The following TBL2 variants were observed in gnomAD, a reference collection of about 807,000 sequenced individuals.
TBL2 encodes the protein transducin beta-like protein 2.
Under a neutral mutation model 41.8 loss-of-function variants are expected in TBL2, and 33 were observed. The observed-to-expected ratio is 0.79, with a 90% confidence interval of 0.60 to 1.06. The LOEUF is 1.06. Among genes scored for constraint, TBL2 ranks in the 50% least tolerant of loss-of-function variants. TBL2 has a pLI of 0.00. For missense variants in TBL2, 522 were observed against 603.8 expected, an observed-to-expected ratio of 0.86 and a Z score of 1.42; for synonymous variants, 239 against 241.7, an observed-to-expected ratio of 0.99 and a Z score of 0.10.
At chr7:73,571,384 C>T (rs1554587557) in intron 5 of TBL2, 43 bp from the exon 6 acceptor site, 13 of 1,611,992 alleles carry the variant, frequency 8.1e-6, no homozygotes, top group Non-Finnish European at 1.0e-5. Flanking sequence ...ATTTTCGGAG[C>T]ATGTTGTTCC....
In TBL2 at chr7:73,568,119, A is replaced by T. The variant is rs1792718838; in HGVS notation, c.*2388T>A. Among the ~76,000 whole-genome samples, 1 of 152,134 alleles carries T rather than the reference A, an allele frequency of 6.6e-6. No homozygotes were observed. The highest frequency in any genetic ancestry group is 1.5e-5 in the Non-Finnish European group (1 of 68,024). On this transcript the variant is annotated 3_prime_UTR_variant, in exon 7 of 7. Transcript: ENST00000305632. ...AGGAACATACAAAACCACAATGGAGACTGGGAGTGGGAAGATGCGCGGAGA... is the reference window on the plus strand; with the variant it reads ...AGGAACATACAAAACCACAATGGAGTCTGGGAGTGGGAAGATGCGCGGAGA...
chr7:73,573,688 TA>T, intron 3 of TBL2: 1 of 768,948 alleles, frequency 1.3e-6, no homozygotes, highest in Non-Finnish European at 2.0e-6. Flanking sequence ...GTTTAGAAAC[TA>T]AGGCTCATCT....
In TBL2 at chr7:73,568,459, G is replaced by A. The variant is rs1792733478; in HGVS notation, c.*2048C>T. ...GTAGCAGCCACCCCCCATCCTGCAG[G>A]CAGGACACAAGCCCGCCCTCCAGCT... On this transcript the variant is annotated 3_prime_UTR_variant, in exon 7 of 7. Transcript: ENST00000305632. Among the ~76,000 whole-genome samples the A allele has an allele frequency of 6.6e-6, 1 of 152,102 alleles. No homozygotes were observed. The highest frequency in any genetic ancestry group is 1.5e-5 in the Non-Finnish European group (1 of 68,012).
Position 73,570,609 on chromosome 7 carries a change from G to A in TBL2, c.1242C>T (p.Gly414=). The A allele has an allele frequency of 6.2e-7, 1 of 1,613,428 alleles. No homozygotes were observed. The highest frequency in any genetic ancestry group is 8.5e-7 in the Non-Finnish European group (1 of 1,179,814). ...TCTCGTTGGAGGCCCGCTTCAGGTG[G>A]CCCTGCATCTCCTCCACCATGGCTC... The part of the protein sequence containing the change: ...GHRAMVEEMQ[G]HLKRASNEST... The change falls in exon 7 of 7, where the codon GGC becomes GGT. Residue 414 remains glycine, a synonymous_variant. Coordinates refer to ENST00000305632, the MANE Select transcript of TBL2 (RefSeq NM_012453.4).
chr7:73,572,166 T>C (rs1352929964), intron 5 of TBL2: 1 of 160,050 alleles, frequency 6.2e-6, no homozygotes, highest in Non-Finnish European at 1.4e-5. Context: ...CGCCCAAAGG[T>C]GGCTTGGCAC....
intron 5 of TBL2, 137 bp from the exon 6 acceptor site, chr7:73,571,478 C>A: frequency 2.3e-6 from 3 of 1,288,796 alleles, no homozygotes; most frequent in Non-Finnish European, 3.1e-6. Flanking sequence ...TTATTTTGGC[C>A]GGGCGCGGTG....
rs1792875885 is a variant in TBL2, at chr7:73,570,684, G to C, written c.1167C>G (p.Ala389=). 1 of 1,614,090 alleles carries C rather than the reference G, an allele frequency of 6.2e-7. No individual in the cohort carries two copies. The highest frequency in any genetic ancestry group is 8.5e-7 in the Non-Finnish European group (1 of 1,179,986). Reference sequence around the variant, plus strand: ...GCCGCACCGCCCGGTCCCCACAGGAGGCCAGAAAGCGGCCAGTGATGTCAA... The same window carrying C: ...GCCGCACCGCCCGGTCCCCACAGGACGCCAGAAAGCGGCCAGTGATGTCAA... ...LSFDITGRFL[A]SCGDRAVRLF... is the part of the protein sequence containing the mutation. Residue 389 remains alanine (A), a synonymous_variant, in exon 7 of 7, where the codon GCC becomes GCG. Coordinates refer to ENST00000305632, the MANE Select transcript of TBL2 (RefSeq NM_012453.4).
chr7:73,578,424 G>C lies in TBL2; in HGVS notation c.126C>G (p.Pro42=), dbSNP rs10225949. 1.5e-5 allele frequency: 23 copies of C among 1,526,396 alleles called. No individual in the cohort carries two copies. The Admixed American group carries it at 3.1e-4, about 21-fold the overall frequency. The allele number at this position is 1,526,396 out of a possible 1,614,324, so 94.6% of individuals were successfully genotyped here. Residue 42 remains proline (P), a synonymous_variant, in exon 1 of 7, where the codon CCC becomes CCG. Coordinates refer to ENST00000305632, the MANE Select transcript of TBL2 (RefSeq NM_012453.4). ...ACCCGACCCGGCCCCACTTACAGGC[G>C]GGCCGGCCGCTCCTCTCCTCCCCCG... ...LRAGEERSGR[P]ACQKANGFPP... is the part of the protein sequence containing the mutation.
In TBL2 at chr7:73,576,255, G is replaced by A. The variant is rs573897348; in HGVS notation, c.131-1742C>T. 7.3e-4 allele frequency among the ~76,000 whole-genome samples: 108 copies of A among 147,012 alleles called. 1 individual carries two copies. The highest frequency in any genetic ancestry group is 1.0e-3 in the Non-Finnish European group (68 of 67,046). Reference sequence around the variant, plus strand: ...AGTCTCGCTCTGTTGCCTCAGTCTCGATCTCCTGACCTTGTGACCTGCCCG... The same window carrying A: ...AGTCTCGCTCTGTTGCCTCAGTCTCAATCTCCTGACCTTGTGACCTGCCCG... On this transcript the variant is annotated intron_variant, in intron 1 of 6. Coordinates refer to ENST00000305632, the MANE Select transcript of TBL2 (RefSeq NM_012453.4).
chr7:73,576,009 G>A (rs1793288447), intron 1 of TBL2, among the ~76,000 whole-genome samples: 1 of 151,934 alleles, frequency 6.6e-6, no homozygotes, highest in African/African-American at 2.4e-5. Flanking sequence ...TCCAGCCTAG[G>A]CGACAGAGTG....
At chr7:73,575,455 TA>T (rs1793249898) in intron 1 of TBL2, among the ~76,000 whole-genome samples, 1 of 152,130 alleles carries the variant, frequency 6.6e-6, no homozygotes, top group Admixed American at 6.6e-5. Flanking sequence ...CATGCCCGGC[TA>T]ATTTTTTTTT....
In TBL2 at chr7:73,570,644, G is replaced by C; in HGVS notation, c.1207C>G (p.Pro403Ala). The C allele has an allele frequency of 6.2e-7, 1 of 1,613,842 alleles. No individual in the cohort carries two copies. The highest frequency in any genetic ancestry group is 8.5e-7 in the Non-Finnish European group (1 of 1,179,922). ...DRAVRLFHNT[P>A]GHRAMVEEMQ... ...TCCTCCACCATGGCTCGGTGGCCAG[G>C]AGTGTTGTGAAACAGCCGCACCGCC... is the stretch of plus-strand genomic sequence containing the variant. The change falls in exon 7 of 7, where the codon CCT (proline) becomes GCT (alanine). Residue 403 changes from proline (P) to alanine (A), a missense_variant. Physicochemically the swap from Pro to Ala is conservative, Grantham distance 27 (BLOSUM62 -1). Transcript: ENST00000305632.
chr7:73,568,259 GC>G lies in TBL2; in HGVS notation c.*2247del, dbSNP rs1249213824. On this transcript the variant is annotated 3_prime_UTR_variant, in exon 7 of 7. Transcript: ENST00000305632. The stretch of plus-strand genomic sequence containing the variant: ...TGACAGTGGGATGGTCCAGGAGTCT[GC>G]CCGGTGGTGCTCTCATTCCAGTGGG... Among the ~76,000 whole-genome samples, 1 of 152,202 alleles carries G rather than the reference GC, an allele frequency of 6.6e-6. No individual in the cohort carries two copies. Among genetic ancestry groups the G allele is most frequent in the Non-Finnish European group, 1.5e-5 (1 of 68,036 alleles).
rs782637042 is a variant in TBL2 at position 73,570,731 on chromosome 7, C to A, written c.1120G>T (p.Glu374Ter). The change falls in exon 7 of 7, where the codon GAG (glutamate) becomes TAG (stop). Residue 374 changes from glutamate (E) to a stop codon, truncating the protein, a stop_gained. Transcript: ENST00000305632. LOFTEE classifies it high-confidence loss of function. ...TCAAAGGACAAGTTGGCGATACACTCGCCATGGACCCGCTCAAAGCACTCC... is the reference window on the plus strand; with the variant it reads ...TCAAAGGACAAGTTGGCGATACACTAGCCATGGACCCGCTCAAAGCACTCC... ...KEECFERVHGECIANLSFDIT... is the reference protein window; with the variant it reads ...KEECFERVHG 6.2e-7 allele frequency: 1 copy of A among 1,614,190 alleles called. No homozygotes were observed.
Position 73,574,109 on chromosome 7 carries a change from T to C in TBL2, c.275A>G (p.Asn92Ser), listed in dbSNP as rs1793143037. 1 of 1,614,118 alleles carries C rather than the reference T, an allele frequency of 6.2e-7. No homozygotes were observed. The highest frequency in any genetic ancestry group is 8.5e-7 in the Non-Finnish European group (1 of 1,179,968). The change falls in exon 3 of 7, where the codon AAC (asparagine) becomes AGC (serine). Residue 92 changes from asparagine to serine, a missense_variant. Asn to Ser is a conservative substitution (Grantham distance 46, BLOSUM62 1). Transcript: ENST00000305632. ...LAAALKSHSG[N>S]ISCMDFSSNG... is the part of the protein sequence containing the mutation. The stretch of plus-strand genomic sequence containing the variant: ...GCTGCTAAAGTCCATGCAAGATATG[T>C]TCCCGCTGTGGCTCTAGGGGAAGGG...
chr7:73,574,126 G>C lies in TBL2; in HGVS notation c.262-4C>G. On this transcript the variant is annotated splice_polypyrimidine_tract_variant and splice_region_variant and intron_variant, in intron 2 of 6. Coordinates refer to ENST00000305632, the MANE Select transcript of TBL2 (RefSeq NM_012453.4). ...AAGATATGTTCCCGCTGTGGCTCTA[G>C]GGGAAGGGTGGCAGGAAGTGTCAAT... 1 of 1,613,654 alleles carries C rather than the reference G, an allele frequency of 6.2e-7. No individual in the cohort carries two copies. The highest frequency in any genetic ancestry group is 8.5e-7 in the Non-Finnish European group (1 of 1,179,600).
At chr7:73,573,756 G>A in intron 3 of TBL2, 182 bp downstream of exon 3, 1 of 808,804 alleles carries the variant, frequency 1.2e-6, no homozygotes, top group Non-Finnish European at 1.9e-6. Context: ...TTTCCTTGCT[G>A]TATAGCAGCC....
chr7:73,571,454 A>G, intron 5 of TBL2, 113 bp from the exon 6 acceptor site: 1 of 1,467,398 alleles, frequency 6.8e-7, no homozygotes, highest in Admixed American at 2.1e-5. Context: ...TGGATAATAT[A>G]AACCTTTAAA....
rs761412925 is a variant in TBL2 at position 73,569,773 on chromosome 7, G to A, written c.*734C>T. On this transcript the variant is annotated 3_prime_UTR_variant, in exon 7 of 7. Transcript: ENST00000305632. ...CTCCTTAAACAAGATATCATCTCCC[G>A]AAGAGAGAAGTCCCAACCATATAAA... is the stretch of plus-strand genomic sequence containing the variant. The A allele has an allele frequency of 2.0e-5, 3 of 152,140 alleles. No individual in the cohort carries two copies. The highest frequency in any genetic ancestry group is 2.9e-5 in the Non-Finnish European group (2 of 68,036). The allele number at this position is 152,140 out of a possible 1,614,324, so 9.4% of individuals were successfully genotyped here.
Sources: allele counts gnomAD v4.1 joint callset (sites outside exome capture counted in the v4.1 genomes callset), GRCh38; gene constraint gnomAD v4.1.1; transcripts MANE v1.5; gene names NCBI Gene and HGNC (gene_info 2026-07-23, HGNC 2026-07-21).